SULF1: variants seen among roughly 807,000 people sequenced by gnomAD.
SULF1 encodes the protein sulfatase 1.
SULF1 carries 46 observed loss-of-function variants against 110.5 expected under a neutral mutation model. The ratio of observed to expected loss-of-function variants is 0.42; its 90% CI spans 0.33 to 0.53. The LOEUF (loss-of-function observed/expected upper bound fraction) is 0.53, where lower values mean the gene tolerates loss of function less well. Among genes scored for constraint, SULF1 ranks in the 20% least tolerant of loss-of-function variants. The pLI is 0.12. For missense variants in SULF1, 941 were observed against 1,094.2 expected (o/e 0.86, Z 1.98); for synonymous variants, 371 against 387.1 (o/e 0.96, Z 0.49).
chr8:69,584,081 C>T (rs1806274245), intron 6 of SULF1, among the ~76,000 whole-genome samples: 2 of 152,182 alleles, frequency 1.3e-5, no homozygotes, highest in African/African-American at 4.8e-5. Flanking sequence ...GGCAAGCTAG[C>T]AGAGTACACT....
chr8:69,659,156 A>T lies in SULF1; in HGVS notation c.*621A>T. On this transcript the variant is annotated 3_prime_UTR_variant, in exon 23 of 23. Transcript: ENST00000402687. ...GAAGATCAACTATATCTTCCTGTGCATTCCGATGGAATTTCAGTTCATCAG... is the reference window on the plus strand; with the variant it reads ...GAAGATCAACTATATCTTCCTGTGCTTTCCGATGGAATTTCAGTTCATCAG... 1 of 456,804 alleles carries T rather than the reference A, an allele frequency of 2.2e-6. No homozygotes were observed. The highest frequency in any genetic ancestry group is 4.4e-6 in the Non-Finnish European group (1 of 226,982). The allele number at this position is 456,804 out of a possible 1,614,324, so 28.3% of individuals were successfully genotyped here.
At chr8:69,642,971 A>G (rs555299343) in intron 22 of SULF1, among the ~76,000 whole-genome samples, 2 of 152,234 alleles carry the variant, frequency 1.3e-5, no homozygotes, top group South Asian at 4.1e-4. Flanking sequence ...GAAAGCATGC[A>G]TGCAGGGGCA....
chr8:69,492,319 G>A (rs1037579541), upstream of SULF1, among the ~76,000 whole-genome samples: 1 of 151,858 alleles, frequency 6.6e-6, no homozygotes, highest in Non-Finnish European at 1.5e-5. Context: ...GAAGAGAGGA[G>A]AGACCCAGAG....
intron 13 of SULF1, among the ~76,000 whole-genome samples, chr8:69,611,615 A>G (rs917953235): frequency 6.6e-6 from 1 of 152,200 alleles, no homozygotes; most frequent in African/African-American, 2.4e-5. Flanking sequence ...AATATTTTAA[A>G]CACATGTCCA....
chr8:69,513,308 A>G (rs1317457520), intron 3 of SULF1, among the ~76,000 whole-genome samples: 2 of 152,032 alleles, frequency 1.3e-5, no homozygotes, highest in African/African-American at 4.8e-5. Flanking sequence ...TATCTAAAAG[A>G]CTCCTGTGGA....
intron 22 of SULF1, among the ~76,000 whole-genome samples, chr8:69,644,162 A>G (rs1003272389): frequency 6.6e-6 from 1 of 152,108 alleles, no homozygotes; most frequent in Non-Finnish European, 1.5e-5. Flanking sequence ...TCTCCCCCAT[A>G]GTGACAGTGT....
At position 69,493,060 on chromosome 8, in the gene SULF1, C is replaced by T. The variant is rs1268890830; in HGVS notation, c.-456C>T. On this transcript the variant is annotated 5_prime_UTR_variant, in exon 1 of 23. Coordinates refer to ENST00000402687, the MANE Select transcript of SULF1 (RefSeq NM_001128205.2). ...AGGAAGTCCCGCTGCCACCTTATCTCTGCTCCTCTGCCTCCTCCCTGTTCC... is the reference window on the plus strand; with the variant it reads ...AGGAAGTCCCGCTGCCACCTTATCTTTGCTCCTCTGCCTCCTCCCTGTTCC... 6.5e-6 allele frequency: 1 copy of T among 152,698 alleles called. No individual in the cohort carries two copies. Among genetic ancestry groups the T allele is most frequent in the Non-Finnish European group, 1.5e-5 (1 of 68,102 alleles). The allele number at this position is 152,698 out of a possible 1,614,324, so 9.5% of individuals were successfully genotyped here.
In SULF1 at chr8:69,604,944, A is replaced by G; in HGVS notation, c.1377+12A>G. On this transcript the variant is annotated intron_variant, in intron 13 of 22. Transcript: ENST00000402687. The stretch of plus-strand genomic sequence containing the variant: ...AACAACCGGGGCAGGTGAGTGACGC[A>G]GGCTTTCTTTACCACCACTCATGTG... The G allele has an allele frequency of 1.2e-6, 2 of 1,613,312 alleles. No homozygotes were observed. Among genetic ancestry groups the G allele is most frequent in the Non-Finnish European group, 1.7e-6 (2 of 1,179,772 alleles).
At chr8:69,605,094 G>T in intron 13 of SULF1, among the ~76,000 whole-genome samples, 162 bp downstream of exon 13, 1 of 152,200 alleles carries the variant, frequency 6.6e-6, no homozygotes, top group East Asian at 1.9e-4. Context: ...ACAGAATTAC[G>T]TAACTGGTTC....
At chr8:69,627,437 A>AG in intron 16 of SULF1, 131 bp downstream of exon 16, 1 of 675,836 alleles carries the variant, frequency 1.5e-6, no homozygotes. Flanking sequence ...AAAAAAAAAA[A>AG]GTTATTTGTC....
chr8:69,498,174 G>A (rs1452822481), intron 2 of SULF1, among the ~76,000 whole-genome samples: 3 of 151,256 alleles, frequency 2.0e-5, no homozygotes, highest in African/African-American at 4.9e-5. Context: ...CATCAGAGCT[G>A]TACTGAGTCA....
chr8:69,629,431 CA>C (rs1413507076), intron 18 of SULF1, 72 bp from the exon 19 acceptor site: 2 of 1,468,162 alleles, frequency 1.4e-6, no homozygotes, highest in African/African-American at 2.8e-5. Flanking sequence ...GTGCAAGACT[CA>C]CAGCAACAAG....
chr8:69,610,421 G>A (rs1406871287), intron 13 of SULF1, among the ~76,000 whole-genome samples: 3 of 152,162 alleles, frequency 2.0e-5, no homozygotes, highest in Non-Finnish European at 4.4e-5. Context: ...AGACAAACCT[G>A]TTTCCCAAAA....
At position 69,601,674 on chromosome 8, in the gene SULF1, G is replaced by C; in HGVS notation, c.906G>C (p.Glu302Asp). ...TTCAGCTGTATAACATGCTCGTGGAGACGGGGGAGCTGGAGAATACTTACA... is the reference window on the plus strand; with the variant it reads ...TTCAGCTGTATAACATGCTCGTGGACACGGGGGAGCTGGAGAATACTTACA... ...SVERLYNMLV[E>D]TGELENTYII... The change falls in exon 10 of 23, where the codon GAG (glutamate) becomes GAC (aspartate). Residue 302 changes from glutamate (E) to aspartate (D), a missense_variant. This residue lies in a region of SULF1 where 822 missense variants were observed against 934.3 expected (regional missense o/e 0.88). Transcript: ENST00000402687. 6.2e-7 allele frequency: 1 copy of C among 1,611,474 alleles called. No individual in the cohort carries two copies. The highest frequency in any genetic ancestry group is 8.5e-7 in the Non-Finnish European group (1 of 1,178,914).
At chr8:69,489,132 G>T (rs1809814210), upstream of SULF1, among the ~76,000 whole-genome samples, 1 of 152,120 alleles carries the variant, frequency 6.6e-6, no homozygotes, top group South Asian at 2.1e-4. Context: ...GGTAACACGT[G>T]AGATTTTAGG....
At chr8:69,598,931 TCAACC>T (rs758639205) in intron 8 of SULF1, among the ~76,000 whole-genome samples, 136 of 152,310 alleles carry the variant, frequency 8.9e-4, no homozygotes, top group South Asian at 1.5e-3. Flanking sequence ...GGTAACTTTG[TCAACC>T]AAGAAGGCCA....
In SULF1 at chr8:69,603,252, C is replaced by G. The variant is rs1161567744; in HGVS notation, c.1122C>G (p.Leu374=). 19 of 1,614,030 alleles carry G rather than the reference C, an allele frequency of 1.2e-5. No homozygotes were observed. The highest frequency in any genetic ancestry group is 1.4e-5 in the Non-Finnish European group (17 of 1,180,032). The change falls in exon 11 of 23, where the codon CTC becomes CTG. Residue 374 remains leucine (L), a synonymous_variant. Coordinates refer to ENST00000402687, the MANE Select transcript of SULF1 (RefSeq NM_001128205.2). ...LAPTILDIAG[L]DTPPDVDGKS... ...CCACGATCCTGGATATTGCTGGGCT[C>G]GACACACCTCCTGATGTGGACGGCA... is the stretch of plus-strand genomic sequence containing the variant.
At chr8:69,510,091 A>G (rs2150587291) in intron 3 of SULF1, among the ~76,000 whole-genome samples, 1 of 152,322 alleles carries the variant, frequency 6.6e-6, no homozygotes, top group African/African-American at 2.4e-5. Flanking sequence ...GTATGCACCT[A>G]GTTATAACTA....
intron 22 of SULF1, among the ~76,000 whole-genome samples, chr8:69,647,840 C>T (rs1812041630): frequency 6.6e-6 from 1 of 151,774 alleles, no homozygotes; most frequent in African/African-American, 2.4e-5. Flanking sequence ...TGCAATGAGC[C>T]AAGATCGCGC....
Sources: allele counts gnomAD v4.1 joint callset (sites outside exome capture counted in the v4.1 genomes callset), GRCh38; gene constraint gnomAD v4.1.1; regional missense constraint gnomAD v4.1.1; transcripts MANE v1.5; gene names NCBI Gene and HGNC (gene_info 2026-07-23, HGNC 2026-07-21).